The following WNK1 variants were observed in gnomAD, a reference collection of about 807,000 sequenced individuals.
The protein encoded by WNK1 is serine/threonine-protein kinase WNK1.
WNK1 carries 38 observed loss-of-function variants against 222.8 expected under a neutral mutation model. That is an observed-to-expected ratio of 0.17 (90% CI 0.13 to 0.22). The LOEUF (loss-of-function observed/expected upper bound fraction) is 0.22, where lower values mean the gene tolerates loss of function less well. Among genes scored for constraint, WNK1 ranks in the 10% least tolerant of loss-of-function variants. The pLI is 1.00. For synonymous variants in WNK1, 1,090 were observed against 1,092.9 expected (o/e 1.00, Z 0.05); for missense variants, 2,348 against 2,918.4 (o/e 0.80, Z 4.50).
At chr12:907,743 T>C in intron 26 of WNK1, 104 bp from the exon 27 acceptor site, 2 of 1,352,416 alleles carry the variant, frequency 1.5e-6, no homozygotes, top group Non-Finnish European at 2.1e-6. Flanking sequence ...GTTCATCCTC[T>C]TCTCATTCTG....
chr12:782,693 G>A lies in WNK1; in HGVS notation c.759+28369G>A, dbSNP rs185032586. On this transcript the variant is annotated intron_variant, in intron 1 of 27. Transcript: ENST00000315939. ...CTAATTTTTATATTTTTATAGAGAC[G>A]GGGTTTTACCATGTTGGCCAGGCTG... Among the ~76,000 whole-genome samples the A allele has an allele frequency of 2.1e-3, 313 of 151,918 alleles. 1 individual carries two copies. The highest frequency in any genetic ancestry group is 7.4e-3 in the African/African-American group (307 of 41,406).
chr12:809,514 T>C (rs1205626901), intron 1 of WNK1, among the ~76,000 whole-genome samples: 2 of 152,156 alleles, frequency 1.3e-5, no homozygotes, highest in Non-Finnish European at 2.9e-5. Context: ...CCACATAAAA[T>C]GCAGGTGTAA....
At chr12:898,695 T>G (rs1954961913) in intron 25 of WNK1, among the ~76,000 whole-genome samples, 1 of 151,958 alleles carries the variant, frequency 6.6e-6, no homozygotes, top group Admixed American at 6.6e-5. Context: ...TACCTTAGCT[T>G]CCTGGGTAGC....
At chr12:855,714 G>A (rs769177754) in intron 4 of WNK1, among the ~76,000 whole-genome samples, 7 of 152,240 alleles carry the variant, frequency 4.6e-5, no homozygotes, top group Admixed American at 6.5e-5. Flanking sequence ...CTCTTGATCC[G>A]TGTGGTGACT....
At position 885,952 on chromosome 12, in the gene WNK1, A is replaced by T; in HGVS notation, c.5148A>T (p.Leu1716Phe). The T allele has an allele frequency of 6.3e-7, 1 of 1,592,602 alleles. No individual in the cohort carries two copies. Residue 1716 changes from leucine (L) to phenylalanine (F), a missense_variant, in exon 19 of 28, where the codon TTA (leucine) becomes TTT (phenylalanine). Leu to Phe is a conservative substitution (Grantham distance 22). Transcript: ENST00000315939. Reference protein sequence around the residue: ...TTSTCLPPTNLPLGTVALPVT... With the variant: ...TTSTCLPPTNFPLGTVALPVT... ...GTACTTGCTTACCACCAACCAATTTACCACTAGGAACAGTTGCTTTGCCAG... is the reference window on the plus strand; with the variant it reads ...GTACTTGCTTACCACCAACCAATTTTCCACTAGGAACAGTTGCTTTGCCAG...
chr12:772,594 T>A (rs1474915743), intron 1 of WNK1, among the ~76,000 whole-genome samples: 2 of 152,166 alleles, frequency 1.3e-5, no homozygotes, highest in Non-Finnish European at 2.9e-5. Context: ...TTTCCCACAT[T>A]AAAATTTTGA....
At position 909,323 on chromosome 12, in the gene WNK1, C is replaced by T. The variant is rs192527684; in HGVS notation, c.*531C>T. The T allele has an allele frequency of 6.0e-4, 94 of 157,208 alleles. No homozygotes were observed. Among genetic ancestry groups the T allele is most frequent in the African/African-American group, 2.0e-3 (84 of 41,414 alleles). 9.7% of individuals were successfully genotyped at this position (157,208 alleles called of 1,614,324 possible). ...GAACCCAGTGAAAAATACCAGGGTA[C>T]TGGGGTGCAACTCTTTCTTATGATA... On this transcript the variant is annotated 3_prime_UTR_variant, in exon 28 of 28. Coordinates refer to ENST00000315939, the MANE Select transcript of WNK1 (RefSeq NM_018979.4).
chr12:861,365 C>A (rs750531911), intron 7 of WNK1, 22 bp downstream of exon 7: 1 of 1,610,290 alleles, frequency 6.2e-7, no homozygotes, highest in Non-Finnish European at 8.5e-7. Flanking sequence ...GGGAAGTGGA[C>A]AGATAGGCTA....
chr12:900,550 G>C lies in WNK1; in HGVS notation c.6523G>C (p.Glu2175Gln), dbSNP rs1592247446. 4 of 1,614,210 alleles carry C rather than the reference G, an allele frequency of 2.5e-6. No homozygotes were observed. In the East Asian group the frequency reaches 8.9e-5, roughly 36 times the overall value. The change falls in exon 26 of 28, where the codon GAG becomes CAG. Residue 2175 changes from glutamate (E) to glutamine (Q), a missense_variant. By Grantham distance (29) the Glu-to-Gln change is conservative (BLOSUM62 2). This residue lies in a region of WNK1 where 1,144 missense variants were observed against 1,273.6 expected (regional missense o/e 0.90). Coordinates refer to ENST00000315939, the MANE Select transcript of WNK1 (RefSeq NM_018979.4). Reference protein sequence around the residue: ...QTLHPPGNIPESGQNQLLQPL... With the variant: ...QTLHPPGNIPQSGQNQLLQPL... ...CCTCCACCCTCCTGGCAACATCCCA[G>C]AGTCCGGGCAGAATCAGCTGTTACA... is the stretch of plus-strand genomic sequence containing the variant.
chr12:853,167 G>T (rs963082885), intron 4 of WNK1, among the ~76,000 whole-genome samples: 4 of 152,104 alleles, frequency 2.6e-5, no homozygotes, highest in African/African-American at 9.7e-5. Context: ...TAAATATGTG[G>T]TATAGCATTG....
Position 880,868 on chromosome 12 carries a change from G to A in WNK1, c.2980G>A (p.Val994Met). The A allele has an allele frequency of 6.2e-7, 1 of 1,614,136 alleles. No homozygotes were observed. The change falls in exon 12 of 28, where the codon GTG becomes ATG. Residue 994 changes from valine to methionine, a missense_variant. Transcript: ENST00000315939. Reference sequence around the variant, plus strand: ...GGCTACACCTGGGTACTTTCCCACAGTGGTGCAGCCTTATGTGGAATCAAA... The same window carrying A: ...GGCTACACCTGGGTACTTTCCCACAATGGTGCAGCCTTATGTGGAATCAAA... ...VLATPGYFPT[V>M]VQPYVESNLL... is the part of the protein sequence containing the mutation.
intron 1 of WNK1, among the ~76,000 whole-genome samples, chr12:771,054 GT>G (rs1730757602): frequency 6.6e-6 from 1 of 152,102 alleles, no homozygotes; most frequent in Non-Finnish European, 1.5e-5. Flanking sequence ...CTGGAGTGCA[GT>G]GGTGTGATCT....
rs1954762915 is a variant in WNK1 at position 896,768 on chromosome 12, A to G, written c.6245+36A>G. ...TTTCTCTTGTGAAAGAATGTCAGAT[A>G]AGGTTTTCAGACCTAGATCCCAGGG... On this transcript the variant is annotated intron_variant, in intron 24 of 27. Transcript: ENST00000315939. The G allele has an allele frequency of 1.9e-6, 3 of 1,602,876 alleles. No individual in the cohort carries two copies. The East Asian group carries it at 6.7e-5, about 36-fold the overall frequency.
intron 4 of WNK1, chr12:851,740 T>C: frequency 7.4e-7 from 1 of 1,347,002 alleles, no homozygotes; most frequent in Non-Finnish European, 9.8e-7. Flanking sequence ...TCATCATAAA[T>C]TCTCATTGCT....
chr12:893,500 C>T (rs1414192271), intron 22 of WNK1, among the ~76,000 whole-genome samples: 1 of 151,984 alleles, frequency 6.6e-6, no homozygotes, highest in African/African-American at 2.4e-5. Context: ...GCATTGTTCC[C>T]CGGAAAGGTT....
At chr12:792,606 G>A (rs1034693166) in intron 1 of WNK1, among the ~76,000 whole-genome samples, 2 of 151,932 alleles carry the variant, frequency 1.3e-5, no homozygotes, top group East Asian at 1.9e-4. Context: ...GAGTCACCAC[G>A]CCCGGCTGAT....
At chr12:829,575 T>C (rs1407187437) in intron 3 of WNK1, among the ~76,000 whole-genome samples, 1 of 152,048 alleles carries the variant, frequency 6.6e-6, no homozygotes, top group Non-Finnish European at 1.5e-5. Flanking sequence ...GGCACACAAG[T>C]ATTTTGATCT....
In WNK1 at chr12:753,516, CT is replaced by C. The variant is rs1939497207; in HGVS notation, c.-46del. ...CGCGGGCGGCTCGGCCCTTCACGCC[CT>C]TTTCGTTCACGAATCCGAGCCCGCT... On this transcript the variant is annotated 5_prime_UTR_variant, in exon 1 of 28. Coordinates refer to ENST00000315939, the MANE Select transcript of WNK1 (RefSeq NM_018979.4). The surrounding 1 kb of genome is among the most constrained non-coding windows in gnomAD (Gnocchi z 5.2). 1.2e-6 allele frequency: 2 copies of C among 1,609,766 alleles called. No homozygotes were observed. Among genetic ancestry groups the C allele is most frequent in the Non-Finnish European group, 8.5e-7 (1 of 1,179,446 alleles).
At chr12:905,760 T>TG (rs1473706108) in intron 26 of WNK1, among the ~76,000 whole-genome samples, 2 of 152,216 alleles carry the variant, frequency 1.3e-5, no homozygotes, top group Non-Finnish European at 2.9e-5. Context: ...GGCTGTTTTC[T>TG]GTGCTCTCAT....
Sources: gnomAD v4.1 joint callset for allele counts (sites outside exome capture counted in the v4.1 genomes callset) on GRCh38, gnomAD v4.1.1 for gene constraint, gnomAD v4.1.1 regional missense constraint, Gnocchi (gnomAD v3.1) non-coding constraint, MANE v1.5 for transcripts, NCBI Gene and HGNC (gene_info 2026-07-23, HGNC 2026-07-21) for gene names.